Variants in LRP1B observed in about 807,000 individuals in gnomAD.
The protein encoded by LRP1B is LDL receptor related protein 1B, also known as low-density lipoprotein receptor-related protein 1B.
In LRP1B, 217 loss-of-function variants were observed where a neutral mutation model predicts 556.6. The ratio of observed to expected loss-of-function variants is 0.39; its 90% CI spans 0.35 to 0.44. LRP1B has a LOEUF of 0.44. LRP1B is among the 20% of genes least tolerant of loss of function. LRP1B has a pLI of 1.00. For missense variants in LRP1B, 5,053 were observed against 5,620.8 expected (o/e 0.90, Z 3.23); for synonymous variants, 2,047 against 1,865.8 (o/e 1.10, Z -2.50).
chr2:140,818,689 C>A (rs1427163247), intron 31 of LRP1B, among the ~76,000 whole-genome samples: 2 of 152,104 alleles, frequency 1.3e-5, no homozygotes, highest in Non-Finnish European at 2.9e-5. Context: ...AATCCCAGCA[C>A]TTTGGGAGGC....
chr2:140,846,932 CAA>C (rs1692291513), intron 29 of LRP1B, among the ~76,000 whole-genome samples: 1 of 152,102 alleles, frequency 6.6e-6, no homozygotes. Context: ...CCATCTTTAA[CAA>C]AGTTTCATTC....
intron 61 of LRP1B, among the ~76,000 whole-genome samples, chr2:140,457,080 T>C (rs1476236984): frequency 6.6e-6 from 1 of 152,172 alleles, no homozygotes; most frequent in Non-Finnish European, 1.5e-5. Flanking sequence ...GAAAACTTGA[T>C]AGAGTTGTCA....
intron 6 of LRP1B, among the ~76,000 whole-genome samples, chr2:141,197,381 G>C (rs1378155710): frequency 6.6e-6 from 1 of 151,976 alleles, no homozygotes; most frequent in African/African-American, 2.4e-5. Flanking sequence ...ACTTAAAGCA[G>C]GAAAATATGA....
chr2:140,377,021 G>A (rs750028179), intron 68 of LRP1B, among the ~76,000 whole-genome samples: 1 of 152,066 alleles, frequency 6.6e-6, no homozygotes, highest in Non-Finnish European at 1.5e-5. Context: ...CCAGAGCAGC[G>A]GAGCTTTAGG....
chr2:141,301,841 G>T (rs1686407036), intron 3 of LRP1B, among the ~76,000 whole-genome samples: 1 of 152,060 alleles, frequency 6.6e-6, no homozygotes, highest in African/African-American at 2.4e-5. Context: ...TTAATCATTA[G>T]GCCTCTGGTT....
intron 7 of LRP1B, among the ~76,000 whole-genome samples, chr2:141,173,450 C>T (rs756112888): frequency 6.6e-6 from 1 of 152,068 alleles, no homozygotes; most frequent in Non-Finnish European, 1.5e-5. Context: ...AAATGGAACC[C>T]ACCTCCAGAT....
chr2:141,319,008 G>C (rs1687129868), intron 3 of LRP1B, among the ~76,000 whole-genome samples: 1 of 151,906 alleles, frequency 6.6e-6, no homozygotes, highest in Non-Finnish European at 1.5e-5. Flanking sequence ...AATTCCTATA[G>C]TTTTCCTTGT....
chr2:140,645,574 C>T (rs891360598), intron 41 of LRP1B, among the ~76,000 whole-genome samples: 18 of 112,190 alleles, frequency 1.6e-4, no homozygotes, highest in African/African-American at 6.4e-4. Context: ...GAGTCTTGCT[C>T]TGTCGCCCAG....
chr2:140,644,390 C>T (rs1437983143), intron 41 of LRP1B, among the ~76,000 whole-genome samples: 4 of 147,218 alleles, frequency 2.7e-5, no homozygotes, highest in Admixed American at 6.8e-5. Context: ...TCATTTCTTT[C>T]TTTCTTTTTT....
intron 72 of LRP1B, among the ~76,000 whole-genome samples, chr2:140,362,782 C>A (rs1682575908): frequency 6.6e-6 from 1 of 151,684 alleles, no homozygotes; most frequent in South Asian, 2.1e-4. Flanking sequence ...TCTTTCTGTT[C>A]CATACTTTTA....
At chr2:141,697,597 G>A (rs1411501517) in intron 2 of LRP1B, among the ~76,000 whole-genome samples, 2 of 151,948 alleles carry the variant, frequency 1.3e-5, no homozygotes, top group African/African-American at 4.8e-5. Flanking sequence ...AAAGATGGTA[G>A]CGAAATGGGT....
At position 140,917,826 on chromosome 2, in the gene LRP1B, G is replaced by A. The variant is rs528809066; in HGVS notation, c.3319+5139C>T. Among the ~76,000 whole-genome samples, 6 of 152,140 alleles carry A rather than the reference G, an allele frequency of 3.9e-5. No individual in the cohort carries two copies. In the East Asian group the frequency reaches 5.8e-4, roughly 15 times the overall value. On this transcript the variant is annotated intron_variant, in intron 21 of 90. Coordinates refer to ENST00000389484, the MANE Select transcript of LRP1B (RefSeq NM_018557.3). ...ATACAACATCTAAATAAAGTAAACCGTCATGTAAACCATAGACTTTGGATG... is the reference window on the plus strand; with the variant it reads ...ATACAACATCTAAATAAAGTAAACCATCATGTAAACCATAGACTTTGGATG...
At chr2:141,174,955 T>C (rs1404784823) in intron 7 of LRP1B, among the ~76,000 whole-genome samples, 1 of 152,032 alleles carries the variant, frequency 6.6e-6, no homozygotes, top group Non-Finnish European at 1.5e-5. Context: ...GGAACTAGAG[T>C]AAAGATCACT....
At chr2:141,014,876 A>G (rs1046064034) in intron 13 of LRP1B, among the ~76,000 whole-genome samples, 3 of 152,136 alleles carry the variant, frequency 2.0e-5, no homozygotes, top group African/African-American at 7.2e-5. Context: ...GCATCAATCA[A>G]CAACAGAGCA....
intron 35 of LRP1B, among the ~76,000 whole-genome samples, chr2:140,743,974 AAAAAAAAAAAAAAAAAAGT>A (rs1688228329): frequency 4.8e-5 from 2 of 41,472 alleles, no homozygotes; most frequent in South Asian, 1.2e-3. Context: ...TCAAAAAAAA[AAAAAAAAAAAAAAAAAAGT>A]AAAAAGTAAA....
intron 41 of LRP1B, among the ~76,000 whole-genome samples, chr2:140,604,664 G>C (rs1558999202): frequency 6.6e-6 from 1 of 152,068 alleles, no homozygotes. Flanking sequence ...TATTCATCCG[G>C]CTAGGAAAAC....
intron 86 of LRP1B, among the ~76,000 whole-genome samples, chr2:140,263,880 C>T (rs1285691544): frequency 6.6e-6 from 1 of 151,606 alleles, no homozygotes; most frequent in South Asian, 2.1e-4. Flanking sequence ...CCACAGTCAC[C>T]TTTTTAGGTA....
intron 42 of LRP1B, among the ~76,000 whole-genome samples, chr2:140,599,564 A>T (rs1682574428): frequency 6.6e-6 from 1 of 152,078 alleles, no homozygotes; most frequent in South Asian, 2.1e-4. Context: ...TTACCAAATA[A>T]TTTTCAAATT....
intron 7 of LRP1B, among the ~76,000 whole-genome samples, chr2:141,131,338 A>T (rs531876979): frequency 4.2e-4 from 63 of 150,016 alleles, no homozygotes; most frequent in Non-Finnish European, 8.3e-4. Flanking sequence ...ACAACAATTT[A>T]AAAAAGTAAG....
Sources: allele counts gnomAD v4.1 joint callset (sites outside exome capture counted in the v4.1 genomes callset), GRCh38; gene constraint gnomAD v4.1.1; transcripts MANE v1.5; gene names NCBI Gene and HGNC (gene_info 2026-07-23, HGNC 2026-07-21).